The following UTP6 variants were observed in gnomAD, a reference collection of about 807,000 sequenced individuals.
UTP6 encodes UTP6 small subunit processome component, also known as U3 small nucleolar RNA-associated protein 6 homolog.
UTP6 carries 60 observed loss-of-function variants against 96.5 expected under a neutral mutation model. The ratio of observed to expected loss-of-function variants is 0.62; its 90% CI spans 0.51 to 0.77. The LOEUF (loss-of-function observed/expected upper bound fraction) is 0.77, where lower values mean the gene tolerates loss of function less well. UTP6 is among the 30% of genes least tolerant of loss of function. The pLI, the probability that UTP6 is intolerant of heterozygous loss-of-function variation, is 0.00. For missense variants in UTP6, 637 were observed against 706.5 expected, an observed-to-expected ratio of 0.90 and a Z score of 1.12; for synonymous variants, 215 against 240.1, an observed-to-expected ratio of 0.90 and a Z score of 0.96.
chr17:31,878,134 G>T, intron 13 of UTP6, 116 bp downstream of exon 13: 2 of 961,224 alleles, frequency 2.1e-6, no homozygotes, highest in Non-Finnish European at 3.2e-6. Context: ...TTCACATACC[G>T]AACTCCCAAG....
At chr17:31,873,837 G>T in intron 14 of UTP6, 84 bp from the exon 15 acceptor site, 1 of 1,424,404 alleles carries the variant, frequency 7.0e-7, no homozygotes, top group Non-Finnish European at 9.5e-7. Context: ...AAAATATTAT[G>T]TATCAATTTT....
chr17:31,865,020 T>C (rs539165579), intron 18 of UTP6, among the ~76,000 whole-genome samples: 1 of 152,180 alleles, frequency 6.6e-6, no homozygotes, highest in East Asian at 1.9e-4. Context: ...TTTTGTTTGT[T>C]TGTTTGTTTG....
At chr17:31,865,585 GAAA>G in intron 17 of UTP6, 147 bp from the exon 18 acceptor site, 1 of 715,344 alleles carries the variant, frequency 1.4e-6, no homozygotes, top group Non-Finnish European at 2.2e-6. Flanking sequence ...ACTTTTCTAG[GAAA>G]AAAATCAAAG....
chr17:31,881,642 G>A (rs745732693), intron 10 of UTP6, among the ~76,000 whole-genome samples: 3 of 152,092 alleles, frequency 2.0e-5, no homozygotes, highest in Non-Finnish European at 4.4e-5. Context: ...TTTCAAGTTA[G>A]CTCTCAAAGT....
intron 5 of UTP6, among the ~76,000 whole-genome samples, 176 bp downstream of exon 5, chr17:31,892,571 A>G (rs1904383539): frequency 6.6e-6 from 1 of 152,226 alleles, no homozygotes; most frequent in African/African-American, 2.4e-5. Flanking sequence ...ATTCTTTTCA[A>G]TTGAATTGGA....
intron 9 of UTP6, among the ~76,000 whole-genome samples, chr17:31,885,262 G>A (rs142408376): frequency 0.1 from 15,354 of 151,370 alleles, 1,417 homozygotes; most frequent in African/African-American, 0.25. Flanking sequence ...CTCCTGCCTC[G>A]GCCTCCCAAG....
chr17:31,892,101 G>A, intron 6 of UTP6, 159 bp downstream of exon 6: 1 of 664,738 alleles, frequency 1.5e-6, no homozygotes. Flanking sequence ...AGGCAGGGGT[G>A]AACTATGAGG....
At position 31,884,418 on chromosome 17, in the gene UTP6, A is replaced by C. The variant is rs1333838597; in HGVS notation, c.785+6T>G. 6.2e-7 allele frequency: 1 copy of C among 1,603,306 alleles called. No homozygotes were observed. The highest frequency in any genetic ancestry group is 8.5e-7 in the Non-Finnish European group (1 of 1,173,376). ...ATATATTCACCTTTCTACTAACTTT[A>C]CTTACTCATCATAAATCTCTTTTTG... On this transcript the variant is annotated splice_donor_region_variant and intron_variant, in intron 10 of 18. Coordinates refer to ENST00000261708, the MANE Select transcript of UTP6 (RefSeq NM_018428.3).
intron 16 of UTP6, among the ~76,000 whole-genome samples, chr17:31,871,454 T>G (rs1456445430): frequency 1.3e-5 from 2 of 152,234 alleles, no homozygotes; most frequent in African/African-American, 2.4e-5. Context: ...ATGATGTTTA[T>G]AAAGAATTTT....
intron 9 of UTP6, 51 bp downstream of exon 9, chr17:31,885,926 TAAG>T: frequency 6.6e-7 from 1 of 1,513,230 alleles, no homozygotes; most frequent in East Asian, 2.3e-5. Context: ...AGATCTTCAT[TAAG>T]AAAAGAATGT....
In UTP6 at chr17:31,899,686, C is replaced by T; in HGVS notation, c.137G>A (p.Arg46Lys). 6.2e-7 allele frequency: 1 copy of T among 1,606,902 alleles called. No individual in the cohort carries two copies. Among genetic ancestry groups the T allele is most frequent in the Non-Finnish European group, 8.5e-7 (1 of 1,176,774 alleles). The change falls in exon 2 of 19, where the codon AGA (arginine) becomes AAA (lysine). Residue 46 changes from arginine (R) to lysine (K), a missense_variant. Arg to Lys is a conservative substitution (Grantham distance 26). Transcript: ENST00000261708. ...KASDLEYKIQRRTLFKEDFIN... is the reference protein window; with the variant it reads ...KASDLEYKIQKRTLFKEDFIN... ...AAAGTCTTCCTTGAAAAGGGTTCTT[C>T]TCTGGATTTTGTACTCTAGATCGGA...
intron 18 of UTP6, among the ~76,000 whole-genome samples, chr17:31,865,156 C>A (rs1004038978): frequency 1.3e-5 from 2 of 152,144 alleles, no homozygotes; most frequent in African/African-American, 4.8e-5. Flanking sequence ...GCAGGGATTA[C>A]AGGTGCGCAC....
rs1236123452 is a variant in UTP6 at position 31,901,592 on chromosome 17, C to G, written c.36G>C (p.Arg12=). The change falls in exon 1 of 19, where the codon CGG becomes CGC. Residue 12 remains arginine, a synonymous_variant. Coordinates refer to ENST00000261708, the MANE Select transcript of UTP6 (RefSeq NM_018428.3). ...AEIIQERIED[R]LPELEQLERI... Reference sequence around the variant, plus strand: ...GCTCCAGCTGTTCCAATTCCGGGAGCCGATCTTCTATGCGTTCCTGAATTA... The same window carrying G: ...GCTCCAGCTGTTCCAATTCCGGGAGGCGATCTTCTATGCGTTCCTGAATTA... 3 of 1,614,032 alleles carry G rather than the reference C, an allele frequency of 1.9e-6. No homozygotes were observed. Among genetic ancestry groups the G allele is most frequent in the Non-Finnish European group, 2.5e-6 (3 of 1,180,034 alleles).
rs768788300 is a variant in UTP6 at position 31,884,392 on chromosome 17, GAT to G, written c.785+30_785+31del. On this transcript the variant is annotated intron_variant, in intron 10 of 18. Transcript: ENST00000261708. Reference sequence around the variant, plus strand: ...ACCCTTAATCTCAAGATCAGAAATAGATATATTCACCTTTCTACTAACTTTAC... The same window carrying G: ...ACCCTTAATCTCAAGATCAGAAATAGATATTCACCTTTCTACTAACTTTAC... 3.6e-5 allele frequency: 55 copies of G among 1,518,116 alleles called. No homozygotes were observed. In the South Asian group the frequency reaches 6.4e-4, roughly 18 times the overall value. The allele number at this position is 1,518,116 out of a possible 1,614,324, so 94.0% of individuals were successfully genotyped here.
At position 31,892,300 on chromosome 17, in the gene UTP6, C is replaced by T; in HGVS notation, c.384G>A (p.Lys128=). Residue 128 remains lysine, a synonymous_variant, in exon 6 of 19, where the codon AAG becomes AAA. Coordinates refer to ENST00000261708, the MANE Select transcript of UTP6 (RefSeq NM_018428.3). ...GAATCGCCAACATGGCAGAGAATAC[C>T]TTGCTAAGTCGAGTTTTAGTAGCCT... ...KKWATKTRLS[K]VFSAMLAIHS... is the part of the protein sequence containing the mutation. 1 of 1,614,108 alleles carries T rather than the reference C, an allele frequency of 6.2e-7. No homozygotes were observed. Among genetic ancestry groups the T allele is most frequent in the Non-Finnish European group, 8.5e-7 (1 of 1,180,032 alleles).
intron 6 of UTP6, among the ~76,000 whole-genome samples, chr17:31,890,424 T>A (rs1179773228): frequency 1.3e-5 from 2 of 151,486 alleles, no homozygotes; most frequent in Non-Finnish European, 2.9e-5. Flanking sequence ...GAGACCAGCC[T>A]GGCCAACATG....
chr17:31,888,192 G>C (rs566106345), intron 7 of UTP6: 1 of 151,860 alleles, frequency 6.6e-6, no homozygotes, highest in Non-Finnish European at 1.5e-5. Context: ...AAAGAACATG[G>C]AGAAAAGAGG....
intron 15 of UTP6, 44 bp from the exon 16 acceptor site, chr17:31,873,531 T>G: frequency 6.2e-7 from 1 of 1,608,098 alleles, no homozygotes; most frequent in Non-Finnish European, 8.5e-7. Context: ...TGAGAAAACT[T>G]ATAGATACCA....
In UTP6 at chr17:31,887,250, C is replaced by T; in HGVS notation, c.607G>A (p.Ala203Thr). 2 of 1,614,038 alleles carry T rather than the reference C, an allele frequency of 1.2e-6. No homozygotes were observed. Among genetic ancestry groups the T allele is most frequent in the Non-Finnish European group, 8.5e-7 (1 of 1,179,918 alleles). The change falls in exon 8 of 19, where the codon GCC becomes ACC. Residue 203 changes from alanine to threonine, a missense_variant. Physicochemically the swap from Ala to Thr is moderately conservative, Grantham distance 58 (BLOSUM62 0). Coordinates refer to ENST00000261708, the MANE Select transcript of UTP6 (RefSeq NM_018428.3). The part of the protein sequence containing the change: ...LRKEKEEFEK[A>T]SMDVENPDYS... ...TAGAACCTTACCACATCCATACTGG[C>T]TTTTTCAAATTCTTCCTTCTCCTTC...
Sources: gnomAD v4.1 joint callset for allele counts (sites outside exome capture counted in the v4.1 genomes callset) on GRCh38, gnomAD v4.1.1 for gene constraint, MANE v1.5 for transcripts, NCBI Gene and HGNC (gene_info 2026-07-23, HGNC 2026-07-21) for gene names.